ZNF521: variants seen among roughly 807,000 people sequenced by gnomAD.
The protein encoded by ZNF521 is LYST-interacting protein 3.
A neutral mutation model predicts 105.5 loss-of-function variants in ZNF521; 14 were observed. The observed-to-expected ratio is 0.13, with a 90% CI of 0.09 to 0.21. The LOEUF is 0.21. ZNF521 is among the 10% of genes least tolerant of loss of function. ZNF521 has a pLI of 1.00. For synonymous variants in ZNF521, 635 were observed against 606.0 expected (o/e 1.05, Z -0.70); for missense variants, 1,233 against 1,629.7 (o/e 0.76, Z 4.19).
At chr18:25,085,269 T>C (rs549100552) in intron 7 of ZNF521, among the ~76,000 whole-genome samples, 3 of 150,494 alleles carry the variant, frequency 2.0e-5, no homozygotes, top group African/African-American at 7.3e-5. Context: ...TTTTATATTA[T>C]ACACATTATA....
At chr18:25,333,775 A>C (rs6508362) in intron 2 of ZNF521, among the ~76,000 whole-genome samples, 56,554 of 152,042 alleles carry the variant, frequency 0.37, 10,632 homozygotes, top group Non-Finnish European at 0.38. Context: ...AAAGTGCCTT[A>C]ATCTGCCAGT....
chr18:25,294,557 TAAG>T (rs1032015855), intron 3 of ZNF521, among the ~76,000 whole-genome samples: 3 of 152,204 alleles, frequency 2.0e-5, no homozygotes, highest in Non-Finnish European at 4.4e-5. Flanking sequence ...CCTTACATCT[TAAG>T]AAGTAGGTTT....
chr18:25,069,042 T>C (rs948568388), intron 7 of ZNF521, among the ~76,000 whole-genome samples: 4 of 152,218 alleles, frequency 2.6e-5, no homozygotes, highest in African/African-American at 9.7e-5. Flanking sequence ...AAACTGACTT[T>C]TGTAGCAATC....
At chr18:25,250,672 A>G (rs191336509) in intron 3 of ZNF521, among the ~76,000 whole-genome samples, 20 of 152,348 alleles carry the variant, frequency 1.3e-4, no homozygotes, top group African/African-American at 4.6e-4. Context: ...CTTTTGAAAA[A>G]TGCCCGAGAA....
At chr18:25,157,560 G>T (rs567122894) in intron 5 of ZNF521, among the ~76,000 whole-genome samples, 1 of 152,148 alleles carries the variant, frequency 6.6e-6, no homozygotes, top group Non-Finnish European at 1.5e-5. Flanking sequence ...CGTGCAAAAC[G>T]TCTAAGTGGA....
chr18:25,229,478 T>C (rs1000993600), intron 3 of ZNF521, among the ~76,000 whole-genome samples: 1 of 152,134 alleles, frequency 6.6e-6, no homozygotes, highest in Non-Finnish European at 1.5e-5. Flanking sequence ...ATGTGATTTA[T>C]ACTTAAAGTG....
At chr18:25,262,874 G>C (rs1419067071) in intron 3 of ZNF521, among the ~76,000 whole-genome samples, 1 of 152,172 alleles carries the variant, frequency 6.6e-6, no homozygotes, top group African/African-American at 2.4e-5. Flanking sequence ...TCAGGAGGTA[G>C]AAAGGGGCTG....
At chr18:25,135,546 T>C (rs1343577937) in intron 5 of ZNF521, among the ~76,000 whole-genome samples, 3 of 152,152 alleles carry the variant, frequency 2.0e-5, no homozygotes, top group African/African-American at 7.2e-5. Context: ...CAATTAAAGA[T>C]ATGATTTTGC....
At chr18:25,244,859 C>T (rs1907597582) in intron 3 of ZNF521, among the ~76,000 whole-genome samples, 1 of 152,220 alleles carries the variant, frequency 6.6e-6, no homozygotes, top group South Asian at 2.1e-4. Flanking sequence ...TGCATAGCTG[C>T]ATTCTGTGGC....
rs534333010 is a variant in ZNF521 at position 25,200,018 on chromosome 18, G to C, written c.3574-4774C>G. ...AGTCCTGTTAAGAGTAGATAAAGGA[G>C]GGATTATTATCCTCATTTATAGATT... On this transcript the variant is annotated intron_variant, in intron 4 of 7. Coordinates refer to ENST00000361524, the MANE Select transcript of ZNF521 (RefSeq NM_015461.3). Among the ~76,000 whole-genome samples, 4 of 152,096 alleles carry C rather than the reference G, an allele frequency of 2.6e-5. No homozygotes were observed. In the East Asian group the frequency reaches 5.8e-4, roughly 22 times the overall value.
intron 3 of ZNF521, among the ~76,000 whole-genome samples, chr18:25,292,101 A>G (rs1325654202): frequency 6.6e-6 from 1 of 152,160 alleles, no homozygotes; most frequent in African/African-American, 2.4e-5. Flanking sequence ...AAACTGCCAC[A>G]TATTATTTTT....
intron 5 of ZNF521, among the ~76,000 whole-genome samples, chr18:25,111,493 T>C (rs752467832): frequency 2.0e-5 from 3 of 152,184 alleles, no homozygotes; most frequent in Non-Finnish European, 4.4e-5. Flanking sequence ...GTATGAAATA[T>C]CTGCGTTGGG....
chr18:25,343,789 G>C (rs1412940484), intron 2 of ZNF521, among the ~76,000 whole-genome samples: 1 of 152,054 alleles, frequency 6.6e-6, no homozygotes, highest in Non-Finnish European at 1.5e-5. Flanking sequence ...AATTAAAAGA[G>C]ATGCTGCCCC....
intron 5 of ZNF521, among the ~76,000 whole-genome samples, chr18:25,127,954 C>T (rs2034567217): frequency 6.6e-6 from 1 of 152,040 alleles, no homozygotes; most frequent in Non-Finnish European, 1.5e-5. Flanking sequence ...TCAGAGAGAA[C>T]ATTTCCCAAC....
At chr18:25,150,248 A>G (rs1039401939) in intron 5 of ZNF521, among the ~76,000 whole-genome samples, 1 of 152,176 alleles carries the variant, frequency 6.6e-6, no homozygotes, top group African/African-American at 2.4e-5. Context: ...CAAAGGCATA[A>G]GAATGATACA....
chr18:25,245,299 T>A (rs1449004475), intron 3 of ZNF521, among the ~76,000 whole-genome samples: 1 of 152,178 alleles, frequency 6.6e-6, no homozygotes, highest in African/African-American at 2.4e-5. Flanking sequence ...CACAGCAAAA[T>A]TGAGCAGAAA....
At chr18:25,204,535 A>T (rs959926643) in intron 4 of ZNF521, among the ~76,000 whole-genome samples, 1 of 152,198 alleles carries the variant, frequency 6.6e-6, no homozygotes, top group Non-Finnish European at 1.5e-5. Context: ...TTAGGAATAA[A>T]GAGTCATTTT....
At chr18:25,096,534 A>G (rs1328849235) in intron 5 of ZNF521, among the ~76,000 whole-genome samples, 4 of 152,216 alleles carry the variant, frequency 2.6e-5, no homozygotes, top group Non-Finnish European at 5.9e-5. Flanking sequence ...AAACCCTTTA[A>G]GCAGCCTCCA....
At chr18:25,340,059 T>C (rs1374364165) in intron 2 of ZNF521, among the ~76,000 whole-genome samples, 1 of 152,140 alleles carries the variant, frequency 6.6e-6, no homozygotes, top group Non-Finnish European at 1.5e-5. Context: ...ATGCTGTCTT[T>C]AAAGCAACAC....
Sources: gnomAD v4.1 joint callset for allele counts (sites outside exome capture counted in the v4.1 genomes callset) on GRCh38, gnomAD v4.1.1 for gene constraint, MANE v1.5 for transcripts, NCBI Gene and HGNC (gene_info 2026-07-23, HGNC 2026-07-21) for gene names.